Variants in CALR3 observed in about 807,000 individuals in gnomAD.
CALR3 encodes the protein calreticulin 3.
In CALR3, 39 loss-of-function variants were observed where a neutral mutation model predicts 48.7. That is an observed-to-expected ratio of 0.80 (90% CI 0.62 to 1.05). The LOEUF (loss-of-function observed/expected upper bound fraction) is 1.05, where lower values mean the gene tolerates loss of function less well. Ranked by LOEUF, CALR3 falls within the 50% of genes least tolerant of loss-of-function variation. The pLI, the probability that CALR3 is intolerant of heterozygous loss-of-function variation, is 0.00. For synonymous variants in CALR3, 185 were observed against 172.7 expected (o/e 1.07, Z -0.56); for missense variants, 449 against 474.7 (o/e 0.95, Z 0.50).
rs1436918443 is a variant in CALR3 at position 16,495,836 on chromosome 19, T to A, written c.108A>T (p.Arg36=). The change falls in exon 2 of 9, where the codon CGA becomes CGT. Residue 36 remains arginine, a synonymous_variant. Coordinates refer to ENST00000269881, the MANE Select transcript of CALR3 (RefSeq NM_145046.5). ...GGGAGTCATTGGTGGACTGCAACCATCGGTTTCTCCAATGCTCTGTGGGGA... is the reference window on the plus strand; with the variant it reads ...GGGAGTCATTGGTGGACTGCAACCAACGGTTTCTCCAATGCTCTGTGGGGA... ...EFLDGEHWRN[R]WLQSTNDSRF... 1 of 1,614,068 alleles carries A rather than the reference T, an allele frequency of 6.2e-7. No homozygotes were observed.
At chr19:16,495,620 G>T in intron 2 of CALR3, 131 bp downstream of exon 2, 3 of 693,464 alleles carry the variant, frequency 4.3e-6, no homozygotes, top group Non-Finnish European at 7.8e-6. Context: ...AGCCCCTTAA[G>T]TTCTACCTTT....
At chr19:16,482,306 T>C (rs1243907742) in intron 7 of CALR3, 144 bp downstream of exon 7, 2 of 1,166,644 alleles carry the variant, frequency 1.7e-6, no homozygotes, top group Non-Finnish European at 2.5e-6. Flanking sequence ...CGCTTGGGCC[T>C]AGTTTGAGGC....
intron 3 of CALR3, among the ~76,000 whole-genome samples, chr19:16,489,797 A>G (rs1305792916): frequency 6.6e-6 from 1 of 152,032 alleles, no homozygotes; most frequent in Non-Finnish European, 1.5e-5. Flanking sequence ...CCTGGTTCAC[A>G]AGAGTGAAAA....
At chr19:16,483,737 T>G (rs1179876760) in intron 5 of CALR3, 193 bp downstream of exon 5, 2 of 597,848 alleles carry the variant, frequency 3.3e-6, no homozygotes, top group Non-Finnish European at 5.9e-6. Flanking sequence ...AATAAATAAG[T>G]AAATAAATAA....
Position 16,484,060 on chromosome 19 carries a change from T to A in CALR3, c.548A>T (p.Asp183Val), listed in dbSNP as rs1599718260. Residue 183 changes from aspartate to valine, a missense_variant, in exon 5 of 9, where the codon GAT becomes GTT. Physicochemically the swap from Asp to Val is radical, Grantham distance 152. Coordinates refer to ENST00000269881, the MANE Select transcript of CALR3 (RefSeq NM_145046.5). ...TLILRPDLSY[D>V]VKIDGQSIES... Reference sequence around the variant, plus strand: ...AATTGACTGACCATCAATTTTCACATCATAAGAAAGATCTGGTCTTAAAAT... The same window carrying A: ...AATTGACTGACCATCAATTTTCACAACATAAGAAAGATCTGGTCTTAAAAT... 6.2e-7 allele frequency: 1 copy of A among 1,614,058 alleles called. No individual in the cohort carries two copies. The highest frequency in any genetic ancestry group is 8.5e-7 in the Non-Finnish European group (1 of 1,180,022).
intron 7 of CALR3, 84 bp downstream of exon 7, chr19:16,482,366 G>A (rs2093382189): frequency 3.8e-6 from 6 of 1,560,608 alleles, no homozygotes; most frequent in South Asian, 1.1e-5. Flanking sequence ...GTGACAGAAT[G>A]AGACCCTGTC....
chr19:16,492,588 G>A (rs1019414109), intron 2 of CALR3, among the ~76,000 whole-genome samples: 4 of 150,188 alleles, frequency 2.7e-5, no homozygotes, highest in Non-Finnish European at 3.0e-5. Context: ...AAATTAGGCC[G>A]GGCGCGGTGG....
At chr19:16,487,815 T>C (rs1045817561) in intron 3 of CALR3, among the ~76,000 whole-genome samples, 4 of 135,192 alleles carry the variant, frequency 3.0e-5, no homozygotes, top group Admixed American at 2.2e-4. Flanking sequence ...TAATTTTCAA[T>C]TTTTTTTTTT....
At chr19:16,489,139 A>C (rs7251415) in intron 3 of CALR3, among the ~76,000 whole-genome samples, 6 of 152,180 alleles carry the variant, frequency 3.9e-5, no homozygotes, top group African/African-American at 1.4e-4. Flanking sequence ...AAACACAGGC[A>C]GTGGGCCAAT....
intron 2 of CALR3, among the ~76,000 whole-genome samples, chr19:16,494,315 G>A (rs1486450424): frequency 6.6e-6 from 1 of 151,920 alleles, no homozygotes; most frequent in Non-Finnish European, 1.5e-5. Context: ...GCCTGCCTTG[G>A]CCTCCCAACA....
Position 16,490,573 on chromosome 19 carries a change from T to C in CALR3, c.194-3A>G, listed in dbSNP as rs1273156902. ...GCCATTCTGAGTGGTTTGCAGACCT[T>C]TGAACAAAATATACTCATGAAGGAT... On this transcript the variant is annotated splice_polypyrimidine_tract_variant and splice_region_variant and intron_variant, in intron 2 of 8. Transcript: ENST00000269881. The C allele has an allele frequency of 3.7e-6, 6 of 1,613,340 alleles. No homozygotes were observed. The highest frequency in any genetic ancestry group is 5.1e-6 in the Non-Finnish European group (6 of 1,179,462).
At chr19:16,489,212 T>A (rs2093394057) in intron 3 of CALR3, among the ~76,000 whole-genome samples, 2 of 152,224 alleles carry the variant, frequency 1.3e-5, no homozygotes, top group South Asian at 4.1e-4. Flanking sequence ...AGGCCAGGCG[T>A]GGTGGCTCAC....
At chr19:16,492,011 T>C (rs557021969) in intron 2 of CALR3, among the ~76,000 whole-genome samples, 1 of 151,904 alleles carries the variant, frequency 6.6e-6, no homozygotes, top group African/African-American at 2.4e-5. Flanking sequence ...ATATTTTTAG[T>C]AGAGATGGGG....
intron 3 of CALR3, among the ~76,000 whole-genome samples, chr19:16,489,595 G>A (rs1186173732): frequency 2.7e-5 from 4 of 150,232 alleles, no homozygotes; most frequent in African/African-American, 9.8e-5. Context: ...CTCCAGCCTG[G>A]GCAACAAGAG....
intron 3 of CALR3, 39 bp from the exon 4 acceptor site, chr19:16,485,296 A>G (rs1322283184): frequency 2.3e-6 from 3 of 1,321,232 alleles, no homozygotes; most frequent in East Asian, 4.6e-5. Context: ...TCTTTCCATA[A>G]TGCATCACCG....
intron 3 of CALR3, among the ~76,000 whole-genome samples, chr19:16,488,561 T>G (rs893852690): frequency 1.3e-5 from 2 of 148,890 alleles, no homozygotes; most frequent in South Asian, 4.3e-4. Flanking sequence ...TGTGCCACTA[T>G]GCCCGGCTAA....
chr19:16,485,075 A>T (rs1197837053), intron 4 of CALR3, 88 bp downstream of exon 4: 2 of 902,538 alleles, frequency 2.2e-6, no homozygotes, highest in African/African-American at 3.3e-5. Flanking sequence ...TCCCTGGCTC[A>T]GTTAAGTATT....
In CALR3 at chr19:16,495,858, G is replaced by A; in HGVS notation, c.92-6C>T. Reference sequence around the variant, plus strand: ...CCATCGGTTTCTCCAATGCTCTGTGGGGAAGGGGAAATAACACCGGTTAGA... The same window carrying A: ...CCATCGGTTTCTCCAATGCTCTGTGAGGAAGGGGAAATAACACCGGTTAGA... On this transcript the variant is annotated splice_polypyrimidine_tract_variant and splice_region_variant and intron_variant, in intron 1 of 8. Transcript: ENST00000269881. The A allele has an allele frequency of 6.2e-7, 1 of 1,613,046 alleles. No individual in the cohort carries two copies. The highest frequency in any genetic ancestry group is 8.5e-7 in the Non-Finnish European group (1 of 1,178,992).
intron 4 of CALR3, among the ~76,000 whole-genome samples, chr19:16,484,411 AG>A (rs2093385871): frequency 6.6e-6 from 1 of 152,092 alleles, no homozygotes; most frequent in South Asian, 2.1e-4. Context: ...TCCTGACCTC[AG>A]GTGATCCACC....
Sources: gnomAD v4.1 joint callset for allele counts (sites outside exome capture counted in the v4.1 genomes callset) on GRCh38, gnomAD v4.1.1 for gene constraint, MANE v1.5 for transcripts, NCBI Gene and HGNC (gene_info 2026-07-23, HGNC 2026-07-21) for gene names.